The following VIT variants were observed in gnomAD, a reference collection of about 807,000 sequenced individuals.
The protein encoded by VIT is vitrin.
Under a neutral mutation model 78.0 loss-of-function variants are expected in VIT, and 99 were observed. The ratio of observed to expected loss-of-function variants is 1.27; its 90% confidence interval spans 1.08 to 1.50. VIT has a LOEUF of 1.50. Ranked by LOEUF, VIT falls within the 40% of genes most tolerant of loss-of-function variation. VIT has a pLI of 0.00. For missense variants in VIT, 1,126 were observed against 875.3 expected, an observed-to-expected ratio of 1.29 and a Z score of -3.61; for synonymous variants, 374 against 334.3, an observed-to-expected ratio of 1.12 and a Z score of -1.29.
chr2:36,733,714 C>T (rs1164085905), intron 3 of VIT, among the ~76,000 whole-genome samples: 1 of 152,158 alleles, frequency 6.6e-6, no homozygotes, highest in Admixed American at 6.5e-5. Context: ...TTTCTCTTGC[C>T]GTTCTGGAGG....
At chr2:36,812,957 G>C (rs1185969410) in intron 15 of VIT, among the ~76,000 whole-genome samples, 1 of 143,700 alleles carries the variant, frequency 7.0e-6, no homozygotes, top group African/African-American at 2.6e-5. Context: ...TGCCTCTGAG[G>C]TTCAAGTGAT....
chr2:36,737,659 G>T (rs993908836), intron 3 of VIT, among the ~76,000 whole-genome samples: 1 of 152,288 alleles, frequency 6.6e-6, no homozygotes, highest in South Asian at 2.1e-4. Context: ...ACTGCCTTGG[G>T]CATGAAGAGG....
At chr2:36,789,566 C>T (rs1418472257) in intron 12 of VIT, among the ~76,000 whole-genome samples, 1 of 151,990 alleles carries the variant, frequency 6.6e-6, no homozygotes, top group African/African-American at 2.4e-5. Context: ...GAGGGGGAGA[C>T]ACATTTATTC....
intron 4 of VIT, among the ~76,000 whole-genome samples, chr2:36,749,443 G>A (rs1668328090): frequency 6.6e-6 from 1 of 152,144 alleles, no homozygotes; most frequent in South Asian, 2.1e-4. Context: ...TAAGTTTATG[G>A]TCAAAACATA....
At chr2:36,800,778 G>C (rs563213403) in intron 12 of VIT, among the ~76,000 whole-genome samples, 4 of 152,310 alleles carry the variant, frequency 2.6e-5, no homozygotes, top group African/African-American at 9.6e-5. Context: ...TGACCTTCTA[G>C]ATGAGTTTGA....
intron 6 of VIT, among the ~76,000 whole-genome samples, chr2:36,764,482 T>C (rs1418057790): frequency 3.9e-5 from 6 of 152,206 alleles, no homozygotes; most frequent in African/African-American, 9.6e-5. Flanking sequence ...AATGGAAATG[T>C]CATAAATCAG....
intron 6 of VIT, chr2:36,759,266 T>C (rs1269005744): frequency 6.7e-7 from 1 of 1,490,380 alleles, no homozygotes; most frequent in African/African-American, 1.4e-5. Context: ...ATTCCGAGAT[T>C]GTGTCTCTAT....
intron 8 of VIT, 61 bp from the exon 9 acceptor site, chr2:36,774,940 TA>T (rs1453328769): frequency 1.3e-6 from 2 of 1,593,198 alleles, no homozygotes; most frequent in African/African-American, 2.7e-5. Context: ...GGGGGCAAAA[TA>T]AGGAAAGAAA....
intron 3 of VIT, among the ~76,000 whole-genome samples, chr2:36,737,745 T>C (rs1667595401): frequency 6.6e-6 from 1 of 152,220 alleles, no homozygotes; most frequent in Non-Finnish European, 1.5e-5. Flanking sequence ...TTGTAAGATT[T>C]GGTATAGCAT....
rs757464714 is a variant in VIT at position 36,767,299 on chromosome 2, C to G, written c.679+14C>G. 1.3e-6 allele frequency: 2 copies of G among 1,510,462 alleles called. No individual in the cohort carries two copies. The highest frequency in any genetic ancestry group is 1.8e-6 in the Non-Finnish European group (2 of 1,129,256). 93.6% of individuals were successfully genotyped at this position (1,510,462 alleles called of 1,614,324 possible). Reference sequence around the variant, plus strand: ...GCCAGGAGATGGGTCAGTAGGTAGACCATGTGTTGCTTTGTGCTAGGGAAA... The same window carrying G: ...GCCAGGAGATGGGTCAGTAGGTAGAGCATGTGTTGCTTTGTGCTAGGGAAA... On this transcript the variant is annotated intron_variant, in intron 7 of 15. Transcript: ENST00000379242.
At chr2:36,764,011 CA>C (rs1669277192) in intron 6 of VIT, among the ~76,000 whole-genome samples, 1 of 152,214 alleles carries the variant, frequency 6.6e-6, no homozygotes, top group Non-Finnish European at 1.5e-5. Flanking sequence ...GCAAGTGATA[CA>C]AAGACTGCCC....
chr2:36,705,482 C>T lies in VIT; in HGVS notation c.-19+8509C>T, dbSNP rs1392095402. Among the ~76,000 whole-genome samples the T allele has an allele frequency of 2.0e-5, 3 of 152,108 alleles. No individual in the cohort carries two copies. The East Asian group carries it at 5.8e-4, about 29-fold the overall frequency. On this transcript the variant is annotated intron_variant, in intron 1 of 15. Coordinates refer to ENST00000379242, the MANE Select transcript of VIT (RefSeq NM_053276.4). The stretch of plus-strand genomic sequence containing the variant: ...GGTTCCTAACACAGTACAAAATAAC[C>T]GTCTGAAACACAAGACCAAAAAAGG...
At chr2:36,776,229 TG>T (rs1670037034) in intron 9 of VIT, among the ~76,000 whole-genome samples, 2 of 152,200 alleles carry the variant, frequency 1.3e-5, no homozygotes, top group Non-Finnish European at 2.9e-5. Context: ...TCTCAAAGTG[TG>T]GTCCAAAGAC....
Position 36,808,622 on chromosome 2 carries a change from G to A in VIT, c.1540G>A (p.Val514Ile), listed in dbSNP as rs773111980. The change falls in exon 15 of 16, where the codon GTC becomes ATC. Residue 514 changes from valine (V) to isoleucine (I), a missense_variant. Transcript: ENST00000379242. ...CTTGAACTCGGCTGACATTGGCTTCGTCATCGACGGCTCCAGCAGTGTGGG... is the reference window on the plus strand; with the variant it reads ...CTTGAACTCGGCTGACATTGGCTTCATCATCGACGGCTCCAGCAGTGTGGG... ...TCLNSADIGF[V>I]IDGSSSVGTG... The A allele has an allele frequency of 1.2e-5, 19 of 1,614,102 alleles. No individual in the cohort carries two copies. The highest frequency in any genetic ancestry group is 1.0e-4 in the Admixed American group (6 of 60,008).
intron 9 of VIT, among the ~76,000 whole-genome samples, chr2:36,775,757 G>T (rs184853180): frequency 1.3e-5 from 2 of 148,446 alleles, no homozygotes; most frequent in Non-Finnish European, 2.9e-5. Flanking sequence ...GTGCCTCAGA[G>T]TCTCCCATGA....
chr2:36,700,567 C>A (rs1021280303), intron 1 of VIT, among the ~76,000 whole-genome samples: 2 of 152,024 alleles, frequency 1.3e-5, no homozygotes, highest in African/African-American at 2.4e-5. Context: ...CATAGTGAGA[C>A]CTTGTCCCTA....
chr2:36,754,500 A>C (rs572062596), intron 4 of VIT, among the ~76,000 whole-genome samples: 18 of 151,142 alleles, frequency 1.2e-4, no homozygotes, highest in East Asian at 3.9e-4. Flanking sequence ...TCCCTGACCC[A>C]AAAAAAAAGG....
At chr2:36,792,524 G>A (rs765615185) in intron 12 of VIT, among the ~76,000 whole-genome samples, 10 of 152,082 alleles carry the variant, frequency 6.6e-5, no homozygotes, top group Non-Finnish European at 1.0e-4. Flanking sequence ...GGGTCCCTGA[G>A]ATCAGTCTCC....
intron 14 of VIT, 30 bp from the exon 15 acceptor site, chr2:36,808,442 T>A: frequency 6.4e-7 from 1 of 1,573,296 alleles, no homozygotes; most frequent in Non-Finnish European, 8.7e-7. Flanking sequence ...GACCCTGACG[T>A]GGCGTGGGTC....
Sources: allele counts gnomAD v4.1 joint callset (sites outside exome capture counted in the v4.1 genomes callset), GRCh38; gene constraint gnomAD v4.1.1; transcripts MANE v1.5; gene names NCBI Gene and HGNC (gene_info 2026-07-23, HGNC 2026-07-21).